LEO1: variants seen among roughly 807,000 people sequenced by gnomAD.
LEO1 encodes the protein RNA polymerase-associated protein LEO1.
In LEO1, 34 loss-of-function variants were observed where a neutral mutation model predicts 80.4. The ratio of observed to expected loss-of-function variants is 0.42; its 90% CI spans 0.32 to 0.56. LEO1 has a LOEUF of 0.56. Ranked by LOEUF, LEO1 falls within the 20% of genes least tolerant of loss-of-function variation. The pLI is 0.10. For missense variants in LEO1, 631 were observed against 814.2 expected (o/e 0.77, Z 2.74); for synonymous variants, 262 against 274.9 (o/e 0.95, Z 0.46).
intron 2 of LEO1, 38 bp from the exon 3 acceptor site, chr15:51,962,531 G>A (rs774735796): frequency 1.6e-5 from 23 of 1,412,548 alleles, no homozygotes; most frequent in African/African-American, 1.3e-4. Flanking sequence ...ATAATCAGTC[G>A]CATTAGTTGA....
At chr15:51,971,077 C>G (rs1036448831) in intron 1 of LEO1, among the ~76,000 whole-genome samples, 2 of 152,150 alleles carry the variant, frequency 1.3e-5, no homozygotes, top group Admixed American at 1.3e-4. Context: ...GTACACAGAC[C>G]CCATGCACTC....
At chr15:51,946,997 CA>C (rs2056907011) in intron 11 of LEO1, 1 of 334,628 alleles carries the variant, frequency 3.0e-6, no homozygotes, top group African/African-American at 2.2e-5. Context: ...CAGGCCTTTC[CA>C]TCTATCCGGA....
rs181802961 is a variant in LEO1 at position 51,958,007 on chromosome 15, C to T, written c.1245+735G>A. 7.1e-5 allele frequency among the ~76,000 whole-genome samples: 10 copies of T among 140,232 alleles called. No homozygotes were observed. In the East Asian group the frequency reaches 1.1e-3, roughly 15 times the overall value. The allele number at this position is 140,232 out of a possible 152,430, so 92.0% of individuals were successfully genotyped here. A position where few individuals can be genotyped will look rare whatever the true frequency, so the allele number is the denominator to read the frequency against. ...CTGCCCTCCAGCGTGGGCGACACAG[C>T]GATGCTCCTTCTCAAAAAAAAATAT... On this transcript the variant is annotated intron_variant, in intron 6 of 11. Coordinates refer to ENST00000299601, the MANE Select transcript of LEO1 (RefSeq NM_138792.4).
intron 11 of LEO1, among the ~76,000 whole-genome samples, chr15:51,939,475 T>G (rs1041022688): frequency 6.6e-6 from 1 of 152,128 alleles, no homozygotes; most frequent in Non-Finnish European, 1.5e-5. Flanking sequence ...AGTAAGGTAT[T>G]TAGAGAAGTC....
At chr15:51,949,395 G>A (rs1169823318) in intron 10 of LEO1, among the ~76,000 whole-genome samples, 2 of 151,904 alleles carry the variant, frequency 1.3e-5, no homozygotes, top group Admixed American at 6.6e-5. Flanking sequence ...ATGACAACTC[G>A]TTCTTTAAAA....
intron 7 of LEO1, 102 bp from the exon 8 acceptor site, chr15:51,953,365 G>A: frequency 8.1e-7 from 1 of 1,235,594 alleles, no homozygotes; most frequent in Non-Finnish European, 1.1e-6. Context: ...GCCCACATGT[G>A]TAATCCCAGC....
chr15:51,966,004 T>C lies in LEO1; in HGVS notation c.559A>G (p.Asn187Asp). 6.2e-7 allele frequency: 1 copy of C among 1,614,178 alleles called. No homozygotes were observed. Among genetic ancestry groups the C allele is most frequent in the Non-Finnish European group, 8.5e-7 (1 of 1,180,024 alleles). ...QNSDDDEKMQ[N>D]TDDEERPQLS... ...TGAGGCCTCTCCTCATCATCTGTGT[T>C]CTGCATTTTCTCATCATCGTCAGAA... The change falls in exon 2 of 12, where the codon AAC (asparagine) becomes GAC (aspartate). Residue 187 changes from asparagine to aspartate, a missense_variant. This residue lies in a region of LEO1 where 394 missense variants were observed against 395.6 expected (regional missense o/e 1.00). Transcript: ENST00000299601.
chr15:51,961,274 T>C (rs1309878638), intron 3 of LEO1, among the ~76,000 whole-genome samples: 1 of 151,878 alleles, frequency 6.6e-6, no homozygotes, highest in African/African-American at 2.4e-5. Context: ...TCCCAGCTAC[T>C]TGGGAGGCTG....
intron 11 of LEO1, among the ~76,000 whole-genome samples, chr15:51,943,543 T>C (rs1317043970): frequency 7.0e-6 from 1 of 143,776 alleles, no homozygotes; most frequent in African/African-American, 2.6e-5. Flanking sequence ...CTACTAAAAG[T>C]ACAAAAATTA....
chr15:51,952,192 C>A (rs952557466), intron 8 of LEO1: 7 of 443,198 alleles, frequency 1.6e-5, no homozygotes, highest in African/African-American at 1.4e-4. Flanking sequence ...AAATGAAAAA[C>A]AGAAGGTTGG....
chr15:51,966,228 G>A lies in LEO1; in HGVS notation c.335C>T (p.Ala112Val), dbSNP rs149086157. Reference sequence around the variant, plus strand: ...ACCTTCGTCTTCATCATCATTAGGGGCTTCTGATCCACTGTGCTGATCTAC... The same window carrying A: ...ACCTTCGTCTTCATCATCATTAGGGACTTCTGATCCACTGTGCTGATCTAC... Reference protein sequence around the residue: ...SDVDQHSGSEAPNDDEDEGHR... With the variant: ...SDVDQHSGSEVPNDDEDEGHR... The change falls in exon 2 of 12, where the codon GCC (alanine) becomes GTC (valine). Residue 112 changes from alanine to valine, a missense_variant. Transcript: ENST00000299601. The A allele has an allele frequency of 2.5e-6, 4 of 1,613,856 alleles. No individual in the cohort carries two copies. Among genetic ancestry groups the A allele is most frequent in the East Asian group, 2.2e-5 (1 of 44,884 alleles).
intron 9 of LEO1, among the ~76,000 whole-genome samples, chr15:51,951,327 C>T (rs2056947110): frequency 6.6e-6 from 1 of 152,238 alleles, no homozygotes; most frequent in East Asian, 1.9e-4. Flanking sequence ...CGATTAGGTA[C>T]AATGCCCCAA....
In LEO1 at chr15:51,942,161, A is replaced by T. The variant is rs149729978; in HGVS notation, c.1897-3901T>A. Among the ~76,000 whole-genome samples, 688 of 152,256 alleles carry T rather than the reference A, an allele frequency of 4.5e-3. 9 individuals are homozygous for T. Among genetic ancestry groups the T allele is most frequent in the African/African-American group, 0.016 (666 of 41,526 alleles). On this transcript the variant is annotated intron_variant, in intron 11 of 11. Coordinates refer to ENST00000299601, the MANE Select transcript of LEO1 (RefSeq NM_138792.4). ...TGCTCCCATTCCTTATTCCATTGTA[A>T]CCCATTACCAGGACTCAAACTAGGG... is the stretch of plus-strand genomic sequence containing the variant.
intron 1 of LEO1, among the ~76,000 whole-genome samples, chr15:51,968,089 A>G (rs1292960394): frequency 1.3e-5 from 2 of 152,142 alleles, no homozygotes; most frequent in African/African-American, 4.8e-5. Context: ...AGGCTGAGGC[A>G]GGACAATCGC....
At chr15:51,960,573 GGA>G (rs2057021899) in intron 4 of LEO1, 64 bp downstream of exon 4, 4 of 859,220 alleles carry the variant, frequency 4.7e-6, no homozygotes, top group Non-Finnish European at 8.0e-6. Flanking sequence ...CTGGAATAAG[GGA>G]GACTCTTCAC....
In LEO1 at chr15:51,971,678, G is replaced by A; in HGVS notation, c.58+10C>T. Reference sequence around the variant, plus strand: ...CCACGCACCCATCCTCCGAAGACCAGCGAACCCACCTTTACGCTCAGCTTC... The same window carrying A: ...CCACGCACCCATCCTCCGAAGACCAACGAACCCACCTTTACGCTCAGCTTC... On this transcript the variant is annotated intron_variant, in intron 1 of 11. Coordinates refer to ENST00000299601, the MANE Select transcript of LEO1 (RefSeq NM_138792.4). 6.2e-7 allele frequency: 1 copy of A among 1,613,948 alleles called. No homozygotes were observed. Among genetic ancestry groups the A allele is most frequent in the Non-Finnish European group, 8.5e-7 (1 of 1,179,938 alleles).
intron 5 of LEO1, 24 bp downstream of exon 5, chr15:51,959,875 A>G (rs1341545707): frequency 6.5e-7 from 1 of 1,544,312 alleles, no homozygotes; most frequent in East Asian, 2.4e-5. Context: ...AACATCCTGA[A>G]AAAATTTTAA....
At chr15:51,941,236 T>C (rs2056849846) in intron 11 of LEO1, among the ~76,000 whole-genome samples, 1 of 152,238 alleles carries the variant, frequency 6.6e-6, no homozygotes, top group Non-Finnish European at 1.5e-5. Context: ...GGATGCTGCC[T>C]TACTGAACAT....
intron 11 of LEO1, among the ~76,000 whole-genome samples, chr15:51,943,541 A>C (rs1432793682): frequency 1.3e-5 from 2 of 151,668 alleles, no homozygotes; most frequent in Non-Finnish European, 2.9e-5. Flanking sequence ...CTCTACTAAA[A>C]GTACAAAAAT....
Sources: allele counts gnomAD v4.1 joint callset (sites outside exome capture counted in the v4.1 genomes callset), GRCh38; gene constraint gnomAD v4.1.1; regional missense constraint gnomAD v4.1.1; transcripts MANE v1.5; gene names NCBI Gene and HGNC (gene_info 2026-07-23, HGNC 2026-07-21).